The following PTGFRN variants were observed in gnomAD, a reference collection of about 807,000 sequenced individuals.
PTGFRN encodes the protein prostaglandin F2 receptor inhibitor, also known as prostaglandin F2 receptor negative regulator.
PTGFRN carries 35 observed loss-of-function variants against 83.2 expected under a neutral mutation model. The observed-to-expected ratio is 0.42, with a 90% confidence interval of 0.32 to 0.56. PTGFRN has a LOEUF of 0.56. Ranked by LOEUF, PTGFRN falls within the 20% of genes least tolerant of loss-of-function variation. PTGFRN has a pLI of 0.11. For synonymous variants in PTGFRN, 519 were observed against 498.6 expected (o/e 1.04, Z -0.55); for missense variants, 1,051 against 1,179.5 (o/e 0.89, Z 1.60).
At chr1:116,936,615 G>A (rs1649926714) in intron 1 of PTGFRN, among the ~76,000 whole-genome samples, 1 of 152,156 alleles carries the variant, frequency 6.6e-6, no homozygotes, top group Admixed American at 6.5e-5. Flanking sequence ...TATTCCAGGT[G>A]ATGGAGGCAT....
chr1:116,931,111 T>C (rs1374871970), intron 1 of PTGFRN, among the ~76,000 whole-genome samples: 3 of 152,228 alleles, frequency 2.0e-5, no homozygotes, highest in Non-Finnish European at 4.4e-5. Context: ...CTCCAGAATC[T>C]GAAACTTTTT....
intron 7 of PTGFRN, among the ~76,000 whole-genome samples, chr1:116,977,157 C>G (rs1214915729): frequency 1.3e-5 from 2 of 152,148 alleles, no homozygotes; most frequent in African/African-American, 4.8e-5. Flanking sequence ...GGGATCAATT[C>G]AACAAGAAGA....
chr1:116,970,764 T>A (rs1371759048), intron 6 of PTGFRN, among the ~76,000 whole-genome samples: 1 of 152,194 alleles, frequency 6.6e-6, no homozygotes, highest in Non-Finnish European at 1.5e-5. Flanking sequence ...AACATTGATT[T>A]GAAACTGAAC....
intron 6 of PTGFRN, among the ~76,000 whole-genome samples, chr1:116,973,118 A>G (rs916570763): frequency 2.0e-5 from 3 of 152,004 alleles, no homozygotes; most frequent in African/African-American, 4.8e-5. Context: ...GGATTTTGCC[A>G]TGTTCCCCAG....
Position 116,961,385 on chromosome 1 carries a change from C to A in PTGFRN, c.1356C>A (p.Asn452Lys). The A allele has an allele frequency of 6.2e-7, 1 of 1,611,842 alleles. No homozygotes were observed. The highest frequency in any genetic ancestry group is 8.5e-7 in the Non-Finnish European group (1 of 1,178,382). Residue 452 changes from asparagine (N) to lysine (K), a missense_variant, in exon 5 of 9, where the codon AAC becomes AAA. Asn to Lys is a moderately conservative substitution (Grantham distance 94, BLOSUM62 0). Transcript: ENST00000393203. This position sits in a 1 kb window ranked among gnomAD's most constrained non-coding sequence, Gnocchi z 5.4. ...CGGTTTCGTGGTACTACAGGATGAA[C>A]CGGCGCAGCGACAATGTGGTGACCA... is the stretch of plus-strand genomic sequence containing the variant. Reference protein sequence around the residue: ...RFTVSWYYRMNRRSDNVVTSE... With the variant: ...RFTVSWYYRMKRRSDNVVTSE...
At chr1:116,957,211 T>G (rs1304956352) in intron 4 of PTGFRN, among the ~76,000 whole-genome samples, 2 of 150,486 alleles carry the variant, frequency 1.3e-5, no homozygotes, top group African/African-American at 4.9e-5. Flanking sequence ...AGATGTGGAG[T>G]GAGGTGAATT....
At chr1:116,925,609 T>C (rs1262228827) in intron 1 of PTGFRN, among the ~76,000 whole-genome samples, 1 of 152,064 alleles carries the variant, frequency 6.6e-6, no homozygotes, top group Non-Finnish European at 1.5e-5. Context: ...GGAGCTTAAG[T>C]CTAACATCAT....
rs1295596598 is a variant in PTGFRN at position 116,967,291 on chromosome 1, A to G, written c.2020A>G (p.Ser674Gly). 2 of 1,614,170 alleles carry G rather than the reference A, an allele frequency of 1.2e-6. No homozygotes were observed. The highest frequency in any genetic ancestry group is 1.1e-5 in the South Asian group (1 of 91,068). ...CAGCCTTTGGCGAGAAGCAGCAACC[A>G]GTCTCTCCAATCCTATTGAGATAGA... ...RGSLWREAAT[S>G]LSNPIEIDFQ... Residue 674 changes from serine (S) to glycine (G), a missense_variant, in exon 6 of 9, where the codon AGT becomes GGT. Physicochemically the swap from Ser to Gly is moderately conservative, Grantham distance 56. This residue lies in a region of PTGFRN where 719 missense variants were observed against 836.6 expected (regional missense o/e 0.86). Transcript: ENST00000393203.
intron 7 of PTGFRN, among the ~76,000 whole-genome samples, chr1:116,976,760 T>C (rs531330176): frequency 0.014 from 2,149 of 152,296 alleles, 22 homozygotes; most frequent in Non-Finnish European, 0.021. Flanking sequence ...TACCAGCCAC[T>C]GCAAAAACAT....
At chr1:116,971,470 G>A (rs1303719385) in intron 6 of PTGFRN, among the ~76,000 whole-genome samples, 2 of 152,174 alleles carry the variant, frequency 1.3e-5, no homozygotes, top group Non-Finnish European at 2.9e-5. Context: ...AGTGACTCCG[G>A]TTGTTCATTT....
In PTGFRN at chr1:116,915,516, G is replaced by C. The variant is rs74721725; in HGVS notation, c.49+5264G>C. Among the ~76,000 whole-genome samples, 1,373 of 152,322 alleles carry C rather than the reference G, an allele frequency of 9.0e-3. 29 individuals carry two copies. Among genetic ancestry groups the C allele is most frequent in the Non-Finnish European group, 9.4e-3 (640 of 68,028 alleles). On this transcript the variant is annotated intron_variant, in intron 1 of 8. Coordinates refer to ENST00000393203, the MANE Select transcript of PTGFRN (RefSeq NM_020440.4). The stretch of plus-strand genomic sequence containing the variant: ...TTAACAGAATTCCTGTATCTGCCAA[G>C]CTGATTAATGCCTGCCCTGGCTATA...
Position 116,918,366 on chromosome 1 carries a change from T to A in PTGFRN, c.49+8114T>A, listed in dbSNP as rs935072621. Among the ~76,000 whole-genome samples, 8 of 152,180 alleles carry A rather than the reference T, an allele frequency of 5.3e-5. No individual in the cohort carries two copies. The highest frequency in any genetic ancestry group is 8.8e-5 in the Non-Finnish European group (6 of 68,032). On this transcript the variant is annotated intron_variant, in intron 1 of 8. Coordinates refer to ENST00000393203, the MANE Select transcript of PTGFRN (RefSeq NM_020440.4). This position sits in a 1 kb window ranked among gnomAD's most constrained non-coding sequence, Gnocchi z 4.1. ...TCTCTTGGAGGTTTTTCCATGAAGA[T>A]TAAAAACAATATATTTAGAAGAATG... is the stretch of plus-strand genomic sequence containing the variant.
chr1:116,944,710 C>A lies in PTGFRN; in HGVS notation c.450C>A (p.Ser150Arg), dbSNP rs755037675. The change falls in exon 3 of 9, where the codon AGC becomes AGA. Residue 150 changes from serine to arginine, a missense_variant. By Grantham distance (110) the Ser-to-Arg change is moderately radical (BLOSUM62 -1). Coordinates refer to ENST00000393203, the MANE Select transcript of PTGFRN (RefSeq NM_020440.4). ...CCGACTCCCTGCACGTGGGCCCCAG[C>A]GCGCGGCCCCCGCCGAGCCTGAGCC... is the stretch of plus-strand genomic sequence containing the variant. ...VLADSLHVGP[S>R]ARPPPSLSLR... 15 of 1,416,820 alleles carry A rather than the reference C, an allele frequency of 1.1e-5. No individual in the cohort carries two copies. Among genetic ancestry groups the A allele is most frequent in the Non-Finnish European group, 1.4e-5 (15 of 1,091,098 alleles). 87.8% of individuals were successfully genotyped at this position (1,416,820 alleles called of 1,614,324 possible).
chr1:116,984,540 T>G lies in PTGFRN; in HGVS notation c.2168-140T>G, dbSNP rs141077270. 4.2e-4 allele frequency: 301 copies of G among 721,956 alleles called. 2 individuals carry two copies. The East Asian group carries it at 7.9e-3, about 19-fold the overall frequency. 44.7% of individuals were successfully genotyped at this position (721,956 alleles called of 1,614,324 possible). On this transcript the variant is annotated intron_variant, in intron 7 of 8. Transcript: ENST00000393203. ...TATGATAGTGCCTTCATCATAGGGC[T>G]GTTGTGAGGATCCAGTGAGACCGAA... is the stretch of plus-strand genomic sequence containing the variant.
intron 8 of PTGFRN, among the ~76,000 whole-genome samples, 191 bp from the exon 9 acceptor site, chr1:116,986,610 T>G (rs1285365435): frequency 6.6e-6 from 1 of 152,176 alleles, no homozygotes; most frequent in African/African-American, 2.4e-5. Flanking sequence ...TAGGAAGACA[T>G]TTGCTCATTT....
Position 116,984,975 on chromosome 1 carries a change from G to C in PTGFRN, c.2463G>C (p.Val821=). 6.2e-7 allele frequency: 1 copy of C among 1,613,286 alleles called. No individual in the cohort carries two copies. The highest frequency in any genetic ancestry group is 8.5e-7 in the Non-Finnish European group (1 of 1,179,310). ...EIHSKPVFIT[V]KMDVLNAFKY... ...ACTCCAAGCCCGTTTTTATAACTGT[G>C]AAGATGGATGGTAAGAATGTCACCC... is the stretch of plus-strand genomic sequence containing the variant. The change falls in exon 8 of 9, where the codon GTG becomes GTC. Residue 821 remains valine, a synonymous_variant. Transcript: ENST00000393203.
At chr1:116,915,975 C>T (rs561134050) in intron 1 of PTGFRN, among the ~76,000 whole-genome samples, 107 of 152,300 alleles carry the variant, frequency 7.0e-4, no homozygotes, top group Non-Finnish European at 1.4e-3. Context: ...GACTATTTCT[C>T]CCCACACCAA....
intron 7 of PTGFRN, among the ~76,000 whole-genome samples, chr1:116,977,685 C>T (rs866602827): frequency 3.9e-5 from 6 of 152,232 alleles, no homozygotes; most frequent in Admixed American, 2.6e-4. Context: ...AGAACAAAGA[C>T]ACAACATACC....
At chr1:116,975,375 A>G (rs1198945473) in intron 7 of PTGFRN, among the ~76,000 whole-genome samples, 1 of 152,208 alleles carries the variant, frequency 6.6e-6, no homozygotes, top group Non-Finnish European at 1.5e-5. Flanking sequence ...TGAAGAGAGT[A>G]GTGCTTCTCC....
Sources: gnomAD v4.1 joint callset for allele counts (sites outside exome capture counted in the v4.1 genomes callset) on GRCh38, gnomAD v4.1.1 for gene constraint, gnomAD v4.1.1 regional missense constraint, Gnocchi (gnomAD v3.1) non-coding constraint, MANE v1.5 for transcripts, NCBI Gene and HGNC (gene_info 2026-07-23, HGNC 2026-07-21) for gene names.